The following PPP1R9A variants were observed in gnomAD, a reference collection of about 807,000 sequenced individuals.
PPP1R9A encodes the protein neurabin-1.
PPP1R9A carries 59 observed loss-of-function variants against 141.9 expected under a neutral mutation model. That is an observed-to-expected ratio of 0.42 (90% CI 0.34 to 0.52). The LOEUF is 0.52. Ranked by LOEUF, PPP1R9A falls within the 20% of genes least tolerant of loss-of-function variation. PPP1R9A has a pLI of 0.10. For synonymous variants in PPP1R9A, 500 were observed against 569.7 expected, an observed-to-expected ratio of 0.88 and a Z score of 1.74; for missense variants, 1,444 against 1,611.9, an observed-to-expected ratio of 0.90 and a Z score of 1.78.
chr7:95,258,579 G>A (rs761389015), intron 12 of PPP1R9A, among the ~76,000 whole-genome samples: 22 of 152,054 alleles, frequency 1.4e-4, no homozygotes, highest in African/African-American at 4.3e-4. Flanking sequence ...AAGAGAAACC[G>A]AAAGTTGAAG....
intron 4 of PPP1R9A, among the ~76,000 whole-genome samples, chr7:95,134,037 A>G (rs1825175732): frequency 6.6e-6 from 1 of 152,130 alleles, no homozygotes; most frequent in Non-Finnish European, 1.5e-5. Context: ...TTGCAGCACT[A>G]TTTACAATAG....
intron 4 of PPP1R9A, among the ~76,000 whole-genome samples, chr7:95,158,856 C>T (rs1270298163): frequency 6.6e-6 from 1 of 152,176 alleles, no homozygotes; most frequent in African/African-American, 2.4e-5. Flanking sequence ...TTTACCCGCA[C>T]TAGTAATCAG....
chr7:95,259,755 G>T (rs1270546008), intron 12 of PPP1R9A, among the ~76,000 whole-genome samples: 2 of 152,140 alleles, frequency 1.3e-5, no homozygotes, highest in African/African-American at 4.8e-5. Context: ...GTCATTAAAA[G>T]AAAAGTGAAT....
At chr7:95,262,073 A>G (rs1800512562) in intron 12 of PPP1R9A, among the ~76,000 whole-genome samples, 1 of 152,196 alleles carries the variant, frequency 6.6e-6, no homozygotes, top group South Asian at 2.1e-4. Flanking sequence ...TCTACTTAGC[A>G]TGCTTGGGGT....
intron 4 of PPP1R9A, among the ~76,000 whole-genome samples, chr7:95,135,385 T>C (rs1254476606): frequency 6.6e-6 from 1 of 152,222 alleles, no homozygotes; most frequent in Non-Finnish European, 1.5e-5. Context: ...TTTATATTTT[T>C]CCAGCATTTT....
At chr7:95,131,736 G>A (rs1354979694) in intron 4 of PPP1R9A, among the ~76,000 whole-genome samples, 1 of 151,714 alleles carries the variant, frequency 6.6e-6, no homozygotes, top group African/African-American at 2.4e-5. Context: ...AATGACATTG[G>A]TAGTTTGATA....
In PPP1R9A at chr7:95,084,326, A is replaced by C. The variant is rs562847388; in HGVS notation, c.1396-26933A>C. Among the ~76,000 whole-genome samples the C allele has an allele frequency of 1.6e-4, 24 of 152,172 alleles. 1 individual carries two copies. Among genetic ancestry groups the C allele is most frequent in the African/African-American group, 5.8e-4 (24 of 41,428 alleles). On this transcript the variant is annotated intron_variant, in intron 2 of 19. Coordinates refer to ENST00000433360, the MANE Select transcript of PPP1R9A (RefSeq NM_001166160.2). ...ACATGATGAAATAAAAATTAACTTT[A>C]ATAGTGAAATCTTGAAAAAATAGGC...
At chr7:95,024,370 T>A (rs530305863) in intron 2 of PPP1R9A, among the ~76,000 whole-genome samples, 1 of 152,268 alleles carries the variant, frequency 6.6e-6, no homozygotes, top group South Asian at 2.1e-4. Context: ...ATATACACAG[T>A]GGGGTGTTAA....
chr7:95,150,600 C>A (rs1828489190), intron 4 of PPP1R9A, among the ~76,000 whole-genome samples: 2 of 152,170 alleles, frequency 1.3e-5, no homozygotes, highest in Non-Finnish European at 1.5e-5. Context: ...CCGCGTCCGG[C>A]TGGCAATGAT....
intron 2 of PPP1R9A, among the ~76,000 whole-genome samples, chr7:94,933,861 G>A (rs867682302): frequency 6.6e-6 from 1 of 151,992 alleles, no homozygotes; most frequent in African/African-American, 2.4e-5. Flanking sequence ...TTTAGAATAG[G>A]CCCTTCATGA....
intron 2 of PPP1R9A, among the ~76,000 whole-genome samples, chr7:95,086,165 C>T (rs935625467): frequency 6.6e-6 from 1 of 151,856 alleles, no homozygotes; most frequent in Non-Finnish European, 1.5e-5. Context: ...ACCCAGTTTC[C>T]TCAATTGTTA....
At chr7:95,134,256 GGAGTT>G (rs1387547644) in intron 4 of PPP1R9A, among the ~76,000 whole-genome samples, 1 of 152,078 alleles carries the variant, frequency 6.6e-6, no homozygotes, top group East Asian at 1.9e-4. Context: ...CTTTTAAGTG[GGAGTT>G]GAACAATGAG....
chr7:94,930,650 ACTT>A (rs1279501678), intron 2 of PPP1R9A, among the ~76,000 whole-genome samples: 31 of 152,082 alleles, frequency 2.0e-4, no homozygotes, highest in Admixed American at 1.6e-3. Context: ...CTATCTTTAT[ACTT>A]TTATAGAGAT....
At chr7:94,999,374 G>A (rs1802575313) in intron 2 of PPP1R9A, among the ~76,000 whole-genome samples, 1 of 152,162 alleles carries the variant, frequency 6.6e-6, no homozygotes, top group East Asian at 1.9e-4. Context: ...AAATGGGACA[G>A]CCACTCTAGA....
intron 4 of PPP1R9A, among the ~76,000 whole-genome samples, chr7:95,140,118 G>C (rs543905486): frequency 2.6e-5 from 4 of 152,318 alleles, no homozygotes; most frequent in Non-Finnish European, 5.9e-5. Flanking sequence ...AATGAAAGTA[G>C]AAGTAGGTGG....
At chr7:95,105,902 T>C (rs1314105521) in intron 2 of PPP1R9A, among the ~76,000 whole-genome samples, 2 of 152,146 alleles carry the variant, frequency 1.3e-5, no homozygotes, top group Non-Finnish European at 2.9e-5. Flanking sequence ...CTAAGTCAGT[T>C]ATGCAGATTT....
At chr7:95,135,854 C>CTTTTT (rs58872136) in intron 4 of PPP1R9A, among the ~76,000 whole-genome samples, 928 of 72,892 alleles carry the variant, frequency 0.013, 1 homozygote, top group Middle Eastern at 0.034. Context: ...TTCAGCTTTA[C>CTTTTT]TTTTTTTTTT....
At chr7:95,125,339 G>A (rs1823374093) in intron 4 of PPP1R9A, among the ~76,000 whole-genome samples, 1 of 152,060 alleles carries the variant, frequency 6.6e-6, no homozygotes, top group Non-Finnish European at 1.5e-5. Context: ...TTGGTTTTGT[G>A]CTACCTTCCT....
intron 2 of PPP1R9A, among the ~76,000 whole-genome samples, chr7:94,941,761 A>G (rs1795354220): frequency 6.6e-6 from 1 of 152,110 alleles, no homozygotes; most frequent in East Asian, 1.9e-4. Flanking sequence ...TGTAAATTAT[A>G]TATGTCTTAC....
Sources: gnomAD v4.1 joint callset for allele counts (sites outside exome capture counted in the v4.1 genomes callset) on GRCh38, gnomAD v4.1.1 for gene constraint, MANE v1.5 for transcripts, NCBI Gene and HGNC (gene_info 2026-07-23, HGNC 2026-07-21) for gene names.